Variants in TCF12 observed in about 807,000 individuals in gnomAD.
TCF12 encodes DNA-binding protein HTF4.
Under a neutral mutation model 86.0 loss-of-function variants are expected in TCF12, and 45 were observed. That is an observed-to-expected ratio of 0.52 (90% CI 0.41 to 0.67). The LOEUF is 0.67. TCF12 is among the 30% of genes least tolerant of loss of function. The probability of loss-of-function intolerance (pLI) is 0.00; values close to 1 mark genes in which losing one functional copy is unlikely to be tolerated. For missense variants in TCF12, 881 were observed against 859.9 expected (o/e 1.02, Z -0.31); for synonymous variants, 330 against 299.6 (o/e 1.10, Z -1.05).
chr15:57,151,187 C>G (rs1374781144), intron 5 of TCF12, among the ~76,000 whole-genome samples: 4 of 147,064 alleles, frequency 2.7e-5, no homozygotes, highest in Non-Finnish European at 6.0e-5. Context: ...TACTATGTTG[C>G]CCAGGCTGGT....
intron 12 of TCF12, among the ~76,000 whole-genome samples, chr15:57,236,493 G>A (rs897061211): frequency 6.6e-5 from 10 of 152,102 alleles, no homozygotes; most frequent in Non-Finnish European, 8.8e-5. Context: ...AGAATGTGAC[G>A]CTTTTAATAT....
At position 56,919,909 on chromosome 15, in the gene TCF12, C is replaced by G. The variant is rs1448227676; in HGVS notation, c.-5C>G. 2 of 1,613,760 alleles carry G rather than the reference C, an allele frequency of 1.2e-6. No homozygotes were observed. The highest frequency in any genetic ancestry group is 1.7e-6 in the Non-Finnish European group (2 of 1,179,950). The stretch of plus-strand genomic sequence containing the variant: ...TGCCCTAGGACCTGCTAGAAGTGGC[C>G]GAAGATGAATCCCCAGCAACAACGC... On this transcript the variant is annotated 5_prime_UTR_variant, in exon 2 of 21. Transcript: ENST00000333725.
intron 5 of TCF12, among the ~76,000 whole-genome samples, chr15:57,143,202 G>A (rs2053116935): frequency 1.3e-5 from 2 of 149,202 alleles, no homozygotes; most frequent in Admixed American, 6.7e-5. Flanking sequence ...GCATGATTCT[G>A]AACTTGGTCC....
At chr15:56,980,007 A>G (rs1266821631) in intron 3 of TCF12, among the ~76,000 whole-genome samples, 2 of 152,208 alleles carry the variant, frequency 1.3e-5, no homozygotes, top group Admixed American at 6.5e-5. Flanking sequence ...TGAAGCTATT[A>G]TAGATTTATA....
chr15:56,995,071 A>G (rs545967219), intron 3 of TCF12, among the ~76,000 whole-genome samples: 10 of 152,010 alleles, frequency 6.6e-5, no homozygotes, highest in Non-Finnish European at 1.5e-4. Context: ...ATAGACCCTG[A>G]AAAGTTAAAT....
intron 18 of TCF12, among the ~76,000 whole-genome samples, chr15:57,269,969 T>G (rs758559551): frequency 1.3e-5 from 2 of 152,238 alleles, no homozygotes; most frequent in South Asian, 4.1e-4. Flanking sequence ...ATCCAACCTT[T>G]ATTTCTGGCA....
chr15:56,930,769 C>T (rs1321813225), intron 3 of TCF12, among the ~76,000 whole-genome samples: 1 of 151,826 alleles, frequency 6.6e-6, no homozygotes, highest in African/African-American at 2.4e-5. Flanking sequence ...AGTTAGAGAT[C>T]CACAGTCCCT....
intron 3 of TCF12, among the ~76,000 whole-genome samples, chr15:56,933,012 C>T (rs2060313853): frequency 6.6e-6 from 1 of 152,126 alleles, no homozygotes; most frequent in Non-Finnish European, 1.5e-5. Context: ...TATTGTTAAG[C>T]TGTCTTTAGA....
chr15:57,083,194 A>G (rs2585096), intron 4 of TCF12, among the ~76,000 whole-genome samples: 2,011 of 152,314 alleles, frequency 0.013, 48 homozygotes, highest in African/African-American at 0.046. Flanking sequence ...TTATAATTAC[A>G]TAGGGGTTTA....
At chr15:57,247,622 C>T in intron 13 of TCF12, 2 of 798,744 alleles carry the variant, frequency 2.5e-6, no homozygotes, top group Non-Finnish European at 4.4e-6. Context: ...AAAGTAGTCT[C>T]TTAAATTATA....
chr15:57,020,347 G>T (rs1180630368), intron 3 of TCF12, among the ~76,000 whole-genome samples: 1 of 152,138 alleles, frequency 6.6e-6, no homozygotes, highest in Non-Finnish European at 1.5e-5. Context: ...TGTAATCCCT[G>T]TGTTTCTATT....
chr15:57,123,982 A>AAAAAAAAAAAAT (rs1555511574), intron 5 of TCF12, among the ~76,000 whole-genome samples: 24 of 111,254 alleles, frequency 2.2e-4, no homozygotes, highest in African/African-American at 6.9e-4. Flanking sequence ...AAAAAAAAAA[A>AAAAAAAAAAAAT]TTTTTTTTTT....
intron 19 of TCF12, among the ~76,000 whole-genome samples, chr15:57,275,052 A>C (rs1233307983): frequency 6.6e-6 from 1 of 152,076 alleles, no homozygotes; most frequent in East Asian, 1.9e-4. Flanking sequence ...AGAACAGAAA[A>C]TATGAGTCTG....
Position 56,982,340 on chromosome 15 carries a change from A to G in TCF12, c.148+61242A>G, listed in dbSNP as rs192454934. Among the ~76,000 whole-genome samples the G allele has an allele frequency of 1.1e-4, 16 of 152,368 alleles. No individual in the cohort carries two copies. In the East Asian group the frequency reaches 3.1e-3, roughly 29 times the overall value. Reference sequence around the variant, plus strand: ...TTATGTGTTTAATTAAGGTAATTAAAATGCTCCAAACAAGGTTGAGAATTC... The same window carrying G: ...TTATGTGTTTAATTAAGGTAATTAAGATGCTCCAAACAAGGTTGAGAATTC... On this transcript the variant is annotated intron_variant, in intron 3 of 20. Transcript: ENST00000333725.
At chr15:56,932,592 A>G (rs1254034354) in intron 3 of TCF12, among the ~76,000 whole-genome samples, 1 of 152,068 alleles carries the variant, frequency 6.6e-6, no homozygotes, top group Non-Finnish European at 1.5e-5. Flanking sequence ...TTTGGGAGAC[A>G]GAGTGTGGCT....
chr15:57,159,823 T>A (rs2054369640), intron 5 of TCF12, among the ~76,000 whole-genome samples: 1 of 152,246 alleles, frequency 6.6e-6, no homozygotes, highest in African/African-American at 2.4e-5. Flanking sequence ...AATGTTGGCT[T>A]CCATACAAAT....
At chr15:56,945,017 A>G (rs144657087) in intron 3 of TCF12, among the ~76,000 whole-genome samples, 55 of 152,196 alleles carry the variant, frequency 3.6e-4, no homozygotes, top group African/African-American at 1.2e-3. Context: ...TTTCCTTGGT[A>G]ATATTTTGCA....
Position 57,235,847 on chromosome 15 carries a change from C to T in TCF12, c.1035+1740C>T, listed in dbSNP as rs570406711. ...ACTTCTATCAGGGAACCTTGGCCTA[C>T]AGGCAGGCAAGAATTTGTGATGTTC... On this transcript the variant is annotated intron_variant, in intron 12 of 20. Coordinates refer to ENST00000333725, the MANE Select transcript of TCF12 (RefSeq NM_207037.2). 3.3e-5 allele frequency among the ~76,000 whole-genome samples: 5 copies of T among 152,238 alleles called. No homozygotes were observed. In the East Asian group the frequency reaches 5.8e-4, roughly 18 times the overall value.
intron 3 of TCF12, among the ~76,000 whole-genome samples, chr15:56,957,285 A>G (rs895249886): frequency 1.3e-5 from 2 of 152,156 alleles, no homozygotes; most frequent in South Asian, 4.1e-4. Context: ...AAATTTTGAA[A>G]ATTTTTGGAA....
Sources: gnomAD v4.1 joint callset for allele counts (sites outside exome capture counted in the v4.1 genomes callset) on GRCh38, gnomAD v4.1.1 for gene constraint, MANE v1.5 for transcripts, NCBI Gene and HGNC (gene_info 2026-07-23, HGNC 2026-07-21) for gene names.